The following BABAM2 variants were observed in gnomAD, a reference collection of about 807,000 sequenced individuals.
BABAM2 encodes the protein BRISC and BRCA1-A complex member 2.
In BABAM2, 31 loss-of-function variants were observed where a neutral mutation model predicts 54.7. The observed-to-expected ratio is 0.57, with a 90% CI of 0.43 to 0.77. BABAM2 has a LOEUF of 0.77. BABAM2 is among the 30% of genes least tolerant of loss of function. The pLI is 0.00. For missense variants in BABAM2, 364 were observed against 455.8 expected, an observed-to-expected ratio of 0.80 and a Z score of 1.83; for synonymous variants, 167 against 162.9, an observed-to-expected ratio of 1.03 and a Z score of -0.19.
At chr2:28,247,846 A>C (rs905083484) in intron 10 of BABAM2, among the ~76,000 whole-genome samples, 2 of 152,304 alleles carry the variant, frequency 1.3e-5, no homozygotes, top group Admixed American at 6.5e-5. Flanking sequence ...GACTTTGAAA[A>C]AGCAGATTGC....
chr2:28,235,579 T>C (rs926816167), intron 7 of BABAM2, among the ~76,000 whole-genome samples: 6 of 152,190 alleles, frequency 3.9e-5, no homozygotes, highest in Non-Finnish European at 8.8e-5. Context: ...TACATATATG[T>C]GCACATTCAC....
intron 1 of BABAM2, chr2:27,891,122 A>T (rs1356310827): frequency 2.0e-5 from 3 of 152,192 alleles, no homozygotes; most frequent in Admixed American, 6.5e-5. Context: ...TACAGTTTGG[A>T]AGAGGGGAGA....
chr2:28,290,528 T>A (rs996029039), intron 10 of BABAM2, among the ~76,000 whole-genome samples: 1 of 152,250 alleles, frequency 6.6e-6, no homozygotes, highest in African/African-American at 2.4e-5. Context: ...ATTGAGGTTT[T>A]AATTTGCATG....
intron 11 of BABAM2, among the ~76,000 whole-genome samples, chr2:28,321,843 G>A (rs1690045326): frequency 6.6e-6 from 1 of 151,790 alleles, no homozygotes; most frequent in Non-Finnish European, 1.5e-5. Flanking sequence ...GAGAGGAGGA[G>A]GATTGTGGAG....
chr2:28,274,349 G>A (rs1180174815), intron 10 of BABAM2, among the ~76,000 whole-genome samples: 1 of 152,170 alleles, frequency 6.6e-6, no homozygotes, highest in Non-Finnish European at 1.5e-5. Context: ...TATCTTGAAT[G>A]GTTCCTTAAT....
At chr2:28,306,821 C>T (rs1026861552) in intron 11 of BABAM2, among the ~76,000 whole-genome samples, 1 of 151,480 alleles carries the variant, frequency 6.6e-6, no homozygotes, top group Non-Finnish European at 1.5e-5. Context: ...CTCAGCCTCC[C>T]GAGTAGCTGG....
chr2:28,129,129 A>G (rs545858560), intron 6 of BABAM2, 142 bp from the exon 7 acceptor site: 15 of 742,174 alleles, frequency 2.0e-5, no homozygotes, highest in Non-Finnish European at 2.3e-6. Context: ...AGGTGTGTGG[A>G]AAGGATGTGC....
intron 4 of BABAM2, among the ~76,000 whole-genome samples, chr2:27,988,317 T>C (rs1672547043): frequency 6.6e-6 from 1 of 152,218 alleles, no homozygotes; most frequent in African/African-American, 2.4e-5. Flanking sequence ...TGAAAGTCTC[T>C]AGCATATTGG....
At chr2:28,242,896 A>G (rs905266641) in intron 9 of BABAM2, among the ~76,000 whole-genome samples, 2 of 152,180 alleles carry the variant, frequency 1.3e-5, no homozygotes, top group African/African-American at 4.8e-5. Flanking sequence ...CTTTTGATAC[A>G]AATAGTGGTT....
At chr2:28,112,858 C>A (rs1668258840) in intron 6 of BABAM2, among the ~76,000 whole-genome samples, 1 of 152,156 alleles carries the variant, frequency 6.6e-6, no homozygotes, top group African/African-American at 2.4e-5. Flanking sequence ...ACATCCTTGC[C>A]AGCATCTGTT....
intron 7 of BABAM2, among the ~76,000 whole-genome samples, chr2:28,231,643 A>G (rs1681397083): frequency 1.3e-5 from 2 of 151,850 alleles, no homozygotes; most frequent in Non-Finnish European, 2.9e-5. Flanking sequence ...GCTGACCCAA[A>G]TGTCTCTGAC....
At chr2:28,247,724 A>G (rs946548703) in intron 10 of BABAM2, among the ~76,000 whole-genome samples, 2 of 152,214 alleles carry the variant, frequency 1.3e-5, no homozygotes, top group Admixed American at 6.5e-5. Flanking sequence ...CCTCGGGCCC[A>G]GGATAATTGC....
chr2:28,263,570 C>T (rs1684726621), intron 10 of BABAM2, among the ~76,000 whole-genome samples: 1 of 152,242 alleles, frequency 6.6e-6, no homozygotes. Context: ...TGAGTGACCT[C>T]TGCCAGCCTT....
rs1664763814 is a variant in BABAM2 at position 27,890,879 on chromosome 2, C to A, written c.-25+37C>A. ...GGGGCTGGTGCGGGGAGGTTGGATC[C>A]CGAGTCGCACAGGTGGCGTGGAGAA... On this transcript the variant is annotated intron_variant, in intron 1 of 11. Coordinates refer to ENST00000379624, the MANE Select transcript of BABAM2 (RefSeq NM_199191.3). The surrounding 1 kb of genome is among the most constrained non-coding windows in gnomAD (Gnocchi z 4.8). 1 of 152,618 alleles carries A rather than the reference C, an allele frequency of 6.6e-6. No individual in the cohort carries two copies. The highest frequency in any genetic ancestry group is 1.5e-5 in the Non-Finnish European group (1 of 68,100). The allele number at this position is 152,618 out of a possible 1,614,324, so 9.5% of individuals were successfully genotyped here.
At chr2:28,156,322 A>G (rs970356514) in intron 7 of BABAM2, among the ~76,000 whole-genome samples, 2 of 152,156 alleles carry the variant, frequency 1.3e-5, no homozygotes, top group African/African-American at 2.4e-5. Context: ...GTGCTCAATA[A>G]TAATTGTTAT....
chr2:27,969,748 G>A (rs1243833985), intron 3 of BABAM2, among the ~76,000 whole-genome samples: 1 of 152,138 alleles, frequency 6.6e-6, no homozygotes, highest in Admixed American at 6.5e-5. Context: ...GACATTTTTG[G>A]TAGTGACAAC....
intron 7 of BABAM2, among the ~76,000 whole-genome samples, chr2:28,223,701 G>T (rs1033135712): frequency 6.6e-6 from 1 of 152,188 alleles, no homozygotes; most frequent in South Asian, 2.1e-4. Context: ...TAGAAGAGCA[G>T]CAACTTTACC....
intron 5 of BABAM2, among the ~76,000 whole-genome samples, chr2:28,043,008 A>G (rs1056970484): frequency 3.9e-5 from 6 of 151,972 alleles, no homozygotes; most frequent in Non-Finnish European, 7.4e-5. Context: ...TGGGGGACAG[A>G]GTGAGACTCC....
At chr2:28,146,940 A>C (rs1196034487) in intron 7 of BABAM2, among the ~76,000 whole-genome samples, 1 of 152,144 alleles carries the variant, frequency 6.6e-6, no homozygotes, top group East Asian at 1.9e-4. Context: ...CCTAAACCTG[A>C]AATTGGACTA....
Sources: allele counts gnomAD v4.1 joint callset (sites outside exome capture counted in the v4.1 genomes callset), GRCh38; gene constraint gnomAD v4.1.1; non-coding constraint Gnocchi (gnomAD v3.1); transcripts MANE v1.5; gene names NCBI Gene and HGNC (gene_info 2026-07-23, HGNC 2026-07-21).